GRIN2A: variants seen among roughly 807,000 people sequenced by gnomAD.
GRIN2A encodes the protein glutamate receptor ionotropic, NMDA 2A.
In GRIN2A, 22 loss-of-function variants were observed where a neutral mutation model predicts 113.4. The observed-to-expected ratio is 0.19, with a 90% confidence interval of 0.14 to 0.28. The LOEUF (loss-of-function observed/expected upper bound fraction) is 0.28. GRIN2A is among the 10% of genes least tolerant of loss of function. The pLI is 1.00. For missense variants in GRIN2A, 1,502 were observed against 1,887.0 expected (o/e 0.80, Z 3.78); for synonymous variants, 827 against 738.4 (o/e 1.12, Z -1.94).
intron 2 of GRIN2A, among the ~76,000 whole-genome samples, chr16:10,136,100 T>C (rs151317068): frequency 1.6e-4 from 24 of 152,268 alleles, no homozygotes; most frequent in Middle Eastern, 3.4e-3. Context: ...TCAATCACTC[T>C]ACTTTTCATC....
chr16:9,891,208 A>G (rs986376233), intron 3 of GRIN2A, 108 bp from the exon 4 acceptor site: 2 of 725,454 alleles, frequency 2.8e-6, no homozygotes, highest in Non-Finnish European at 5.0e-6. Flanking sequence ...TAAACTTACA[A>G]TGCTATATTC....
intron 4 of GRIN2A, among the ~76,000 whole-genome samples, chr16:9,877,928 C>T (rs1179262986): frequency 6.7e-6 from 1 of 148,590 alleles, no homozygotes; most frequent in Admixed American, 6.8e-5. Flanking sequence ...CGTTTCTCTA[C>T]AACACAGATG....
chr16:9,773,178 A>C (rs182160699), intron 11 of GRIN2A, among the ~76,000 whole-genome samples: 107 of 152,304 alleles, frequency 7.0e-4, no homozygotes, highest in Non-Finnish European at 1.2e-3. Context: ...CATTGAATCC[A>C]TATTTTCTGT....
chr16:10,017,139 T>C (rs1427527895), intron 2 of GRIN2A, among the ~76,000 whole-genome samples: 2 of 152,164 alleles, frequency 1.3e-5, no homozygotes, highest in East Asian at 3.8e-4. Context: ...CCAAGTGAAA[T>C]GGCCTACAAG....
chr16:9,820,692 G>A (rs2042265075), intron 10 of GRIN2A, among the ~76,000 whole-genome samples: 1 of 152,198 alleles, frequency 6.6e-6, no homozygotes, highest in Non-Finnish European at 1.5e-5. Context: ...CAGGCACCAA[G>A]AATCTACGGC....
rs146818054 is a variant in GRIN2A, at chr16:10,055,970, C to G, written c.415-117419G>C. ...TCTCAGGGTTTCACTAAGCATACTCCAGGCTAGAGACAGCTCCAGGCTGGA... is the reference window on the plus strand; with the variant it reads ...TCTCAGGGTTTCACTAAGCATACTCGAGGCTAGAGACAGCTCCAGGCTGGA... On this transcript the variant is annotated intron_variant, in intron 2 of 12. Coordinates refer to ENST00000330684, the MANE Select transcript of GRIN2A (RefSeq NM_001134407.3). Among the ~76,000 whole-genome samples the G allele has an allele frequency of 2.2e-4, 33 of 152,284 alleles. No individual in the cohort carries two copies. In the East Asian group the frequency reaches 3.3e-3, roughly 15 times the overall value.
intron 3 of GRIN2A, among the ~76,000 whole-genome samples, chr16:9,921,167 T>A (rs1233006223): frequency 6.6e-6 from 1 of 152,212 alleles, no homozygotes; most frequent in African/African-American, 2.4e-5. Context: ...CAAACATAGA[T>A]CCCTGTGCTA....
At chr16:10,171,498 C>A (rs2050040482) in intron 2 of GRIN2A, 1 of 152,294 alleles carries the variant, frequency 6.6e-6, no homozygotes, top group East Asian at 1.9e-4. Flanking sequence ...CATTTAGCTT[C>A]CGTTTGCCAG....
intron 4 of GRIN2A, among the ~76,000 whole-genome samples, chr16:9,881,779 GCTATT>G (rs2043485874): frequency 6.6e-6 from 1 of 152,194 alleles, no homozygotes; most frequent in African/African-American, 2.4e-5. Context: ...CCAATGGGCT[GCTATT>G]GTCTTTCTAA....
intron 2 of GRIN2A, among the ~76,000 whole-genome samples, chr16:10,005,425 A>G (rs529711238): frequency 3.7e-4 from 57 of 152,344 alleles, no homozygotes; most frequent in African/African-American, 1.3e-3. Flanking sequence ...CTATTTTTCA[A>G]TCCAAAGGAA....
rs767324036 is a variant in GRIN2A at position 9,758,335 on chromosome 16, G to A, written c.*4814C>T. On this transcript the variant is annotated 3_prime_UTR_variant, in exon 13 of 13. Transcript: ENST00000330684. ...CGGCATTGTCTTCAGAAGCAAATGC[G>A]AGCAGAATATATTCTATACCCCTCA... 4.5e-6 allele frequency: 1 copy of A among 224,408 alleles called. No homozygotes were observed. The highest frequency in any genetic ancestry group is 8.9e-6 in the Non-Finnish European group (1 of 112,484). The allele number at this position is 224,408 out of a possible 1,614,324, so 13.9% of individuals were successfully genotyped here.
intron 2 of GRIN2A, among the ~76,000 whole-genome samples, chr16:10,168,919 C>G (rs922215749): frequency 6.6e-6 from 1 of 151,296 alleles, no homozygotes; most frequent in Non-Finnish European, 1.5e-5. Context: ...AAACCAAGAT[C>G]GTGCCATTGA....
intron 2 of GRIN2A, among the ~76,000 whole-genome samples, chr16:10,124,475 ACT>A (rs1376988435): frequency 7.2e-6 from 1 of 138,008 alleles, no homozygotes; most frequent in Non-Finnish European, 1.6e-5. Flanking sequence ...AGCCTTGATA[ACT>A]CTTTGTTTAT....
At chr16:9,810,433 G>A (rs1475553430) in intron 10 of GRIN2A, among the ~76,000 whole-genome samples, 1 of 152,218 alleles carries the variant, frequency 6.6e-6, no homozygotes, top group Non-Finnish European at 1.5e-5. Flanking sequence ...GGACATCAGA[G>A]TATGCCCTTA....
At chr16:10,050,041 CTG>C (rs1355233641) in intron 2 of GRIN2A, among the ~76,000 whole-genome samples, 6 of 152,158 alleles carry the variant, frequency 3.9e-5, no homozygotes, top group Admixed American at 3.9e-4. Context: ...TACCAAGAAC[CTG>C]TGAATATGTT....
At chr16:9,995,712 A>G (rs769374291) in intron 2 of GRIN2A, among the ~76,000 whole-genome samples, 1 of 152,156 alleles carries the variant, frequency 6.6e-6, no homozygotes, top group African/African-American at 2.4e-5. Context: ...TTGCACTTAC[A>G]TTTTCCAAAG....
At chr16:9,962,876 G>A (rs2045470604) in intron 2 of GRIN2A, among the ~76,000 whole-genome samples, 1 of 152,016 alleles carries the variant, frequency 6.6e-6, no homozygotes, top group Admixed American at 6.6e-5. Context: ...CAACCCAAAT[G>A]TCCAACAATG....
At chr16:10,067,059 T>A (rs1039228021) in intron 2 of GRIN2A, among the ~76,000 whole-genome samples, 1 of 152,246 alleles carries the variant, frequency 6.6e-6, no homozygotes, top group South Asian at 2.1e-4. Context: ...TACCTCTAAC[T>A]GGATCCCCCA....
intron 5 of GRIN2A, among the ~76,000 whole-genome samples, chr16:9,844,341 T>C (rs941895233): frequency 2.0e-5 from 3 of 152,214 alleles, no homozygotes; most frequent in African/African-American, 7.2e-5. Context: ...GACATGGAAC[T>C]GGGCCTTGGG....
Sources: allele counts gnomAD v4.1 joint callset (sites outside exome capture counted in the v4.1 genomes callset), GRCh38; gene constraint gnomAD v4.1.1; transcripts MANE v1.5; gene names NCBI Gene and HGNC (gene_info 2026-07-23, HGNC 2026-07-21).